The following PRKN variants were observed in gnomAD, a reference collection of about 807,000 sequenced individuals.
PRKN encodes the protein E3 ubiquitin-protein ligase parkin.
Under a neutral mutation model 59.5 loss-of-function variants are expected in PRKN, and 56 were observed. The observed-to-expected ratio is 0.94, with a 90% CI of 0.76 to 1.18. The LOEUF (loss-of-function observed/expected upper bound fraction) is 1.18, where lower values mean the gene tolerates loss of function less well. Among genes scored for constraint, PRKN ranks in the 50% most tolerant of loss-of-function variants. The pLI, the probability that PRKN is intolerant of heterozygous loss-of-function variation, is 0.00. For synonymous variants in PRKN, 250 were observed against 222.1 expected (o/e 1.13, Z -1.12); for missense variants, 657 against 596.4 (o/e 1.10, Z -1.06).
intron 1 of PRKN, among the ~76,000 whole-genome samples, chr6:162,675,284 A>T (rs1443120419): frequency 2.6e-5 from 4 of 152,018 alleles, no homozygotes; most frequent in Non-Finnish European, 4.4e-5. Context: ...TCTTGACCTC[A>T]TGATCCCCCC....
At chr6:161,433,203 G>A (rs1339740325) in intron 9 of PRKN, among the ~76,000 whole-genome samples, 2 of 152,158 alleles carry the variant, frequency 1.3e-5, no homozygotes, top group African/African-American at 4.8e-5. Context: ...AAGTTATTTA[G>A]TGCTTACATT....
chr6:162,266,194 T>C (rs758823198), intron 2 of PRKN, among the ~76,000 whole-genome samples: 1 of 152,232 alleles, frequency 6.6e-6, no homozygotes. Context: ...GTGATCCTCC[T>C]AGAGAAAAGT....
chr6:162,303,012 T>G (rs1394929738), intron 2 of PRKN, among the ~76,000 whole-genome samples: 1 of 108,842 alleles, frequency 9.2e-6, no homozygotes, highest in African/African-American at 3.1e-5. Flanking sequence ...ACACACACAC[T>G]TCCCAGAGAA....
chr6:162,415,700 C>T (rs1279714991), intron 2 of PRKN, among the ~76,000 whole-genome samples: 1 of 152,018 alleles, frequency 6.6e-6, no homozygotes, highest in African/African-American at 2.4e-5. Context: ...ATCTGTAGTC[C>T]CAGCTACTTG....
At chr6:162,457,858 C>A (rs1303192844) in intron 1 of PRKN, among the ~76,000 whole-genome samples, 2 of 152,120 alleles carry the variant, frequency 1.3e-5, no homozygotes, top group Non-Finnish European at 2.9e-5. Flanking sequence ...TGGTGGCTCT[C>A]ATCTGTAATC....
Position 161,593,948 on chromosome 6 carries a change from G to A in PRKN, c.872-24532C>T, listed in dbSNP as rs549894750. ...GGGCAGATCACGAGGTCAGGAGTTT[G>A]AGACCAGCCTGGCCAACATAGTGAA... On this transcript the variant is annotated intron_variant, in intron 7 of 11. Transcript: ENST00000366898. This position sits in a 1 kb window ranked among gnomAD's most constrained non-coding sequence, Gnocchi z 4.8. Among the ~76,000 whole-genome samples the A allele has an allele frequency of 6.6e-6, 1 of 151,526 alleles. No homozygotes were observed. Among genetic ancestry groups the A allele is most frequent in the South Asian group, 2.1e-4 (1 of 4,792 alleles).
chr6:161,547,177 C>T lies in PRKN; in HGVS notation c.1083+1677G>A, dbSNP rs1349507046. Among the ~76,000 whole-genome samples, 1 of 152,180 alleles carries T rather than the reference C, an allele frequency of 6.6e-6. No homozygotes were observed. Among genetic ancestry groups the T allele is most frequent in the African/African-American group, 2.4e-5 (1 of 41,440 alleles). ...TAACTAATACACAAACCAACAAACA[C>T]ACCTCCAAAACCAACAAATCGAAAC... On this transcript the variant is annotated intron_variant, in intron 9 of 11. Coordinates refer to ENST00000366898, the MANE Select transcript of PRKN (RefSeq NM_004562.3). This position sits in a 1 kb window ranked among gnomAD's most constrained non-coding sequence, Gnocchi z 4.0.
In PRKN at chr6:161,774,167, C is replaced by T. The variant is rs527405131; in HGVS notation, c.871+11605G>A. The stretch of plus-strand genomic sequence containing the variant: ...TACAGCTCTTTTTCTGGTCCTTGTC[C>T]GTGTACCAGTCACTCCTTATAATGA... On this transcript the variant is annotated intron_variant, in intron 7 of 11. Coordinates refer to ENST00000366898, the MANE Select transcript of PRKN (RefSeq NM_004562.3). Among the ~76,000 whole-genome samples, 15 of 152,164 alleles carry T rather than the reference C, an allele frequency of 9.9e-5. No individual in the cohort carries two copies. In the South Asian group the frequency reaches 2.1e-3, roughly 21 times the overall value.
intron 6 of PRKN, among the ~76,000 whole-genome samples, chr6:161,966,467 G>A (rs1056426963): frequency 6.6e-6 from 1 of 152,102 alleles, no homozygotes; most frequent in Non-Finnish European, 1.5e-5. Context: ...AAAGAATTCC[G>A]GTATCCCTTT....
chr6:161,985,825 G>A (rs1781415729), intron 5 of PRKN, among the ~76,000 whole-genome samples: 1 of 152,048 alleles, frequency 6.6e-6, no homozygotes, highest in Non-Finnish European at 1.5e-5. Context: ...TTTGAGGAGG[G>A]GCTGGACTTC....
rs140838867 is a variant in PRKN, at chr6:162,643,523, G to A, written c.7+84139C>T. ...AGACCATTTGCAGGCCCATTTCGGC[G>A]GGGAGGCAGAACGACAGAAAATCAT... is the stretch of plus-strand genomic sequence containing the variant. On this transcript the variant is annotated intron_variant, in intron 1 of 11. Transcript: ENST00000366898. Among the ~76,000 whole-genome samples, 866 of 152,098 alleles carry A rather than the reference G, an allele frequency of 5.7e-3. 6 individuals carry two copies. The highest frequency in any genetic ancestry group is 0.02 in the African/African-American group (822 of 41,500).
At chr6:161,595,557 A>G (rs1184975680) in intron 7 of PRKN, among the ~76,000 whole-genome samples, 3 of 152,198 alleles carry the variant, frequency 2.0e-5, no homozygotes, top group Non-Finnish European at 2.9e-5. Context: ...GCCTCAATGT[A>G]TCTGGATTTC....
chr6:161,716,302 C>T (rs965908832), intron 7 of PRKN, among the ~76,000 whole-genome samples: 5 of 152,232 alleles, frequency 3.3e-5, no homozygotes, highest in African/African-American at 1.2e-4. Flanking sequence ...TGGGCCTCTG[C>T]TGTTTCTCTT....
intron 1 of PRKN, among the ~76,000 whole-genome samples, chr6:162,659,627 T>C (rs1357905306): frequency 1.3e-5 from 2 of 152,156 alleles, no homozygotes; most frequent in African/African-American, 4.8e-5. Context: ...AAATGGGTTT[T>C]TGTACCATGA....
chr6:162,555,715 G>A (rs1779534475), intron 1 of PRKN, among the ~76,000 whole-genome samples: 1 of 152,026 alleles, frequency 6.6e-6, no homozygotes, highest in Non-Finnish European at 1.5e-5. Flanking sequence ...ATGAATTCAA[G>A]GCCGGTGGCT....
intron 1 of PRKN, among the ~76,000 whole-genome samples, chr6:162,683,320 A>G (rs1779842160): frequency 6.6e-6 from 1 of 152,176 alleles, no homozygotes; most frequent in South Asian, 2.1e-4. Context: ...GTCTACTAGT[A>G]TCAGACAGCA....
rs1367661023 is a variant in PRKN at position 161,582,995 on chromosome 6, CACACACACACACACACACACACACACAT to C, written c.872-13607_872-13580del. Among the ~76,000 whole-genome samples, 10 of 141,930 alleles carry C rather than the reference CACACACACACACACACACACACACACAT, an allele frequency of 7.0e-5. No homozygotes were observed. The highest frequency in any genetic ancestry group is 4.8e-4 in the South Asian group (2 of 4,128). 93.1% of individuals were successfully genotyped at this position (141,930 alleles called of 152,430 possible). A position where few individuals can be genotyped will look rare whatever the true frequency, so the allele number is the denominator to read the frequency against. ...CAACACACACACACACACACACACA[CACACACACACACACACACACACACACAT>C]ACACATTTTGTAAGATCTTGAAAAC... On this transcript the variant is annotated intron_variant, in intron 7 of 11. Transcript: ENST00000366898. This position sits in a 1 kb window ranked among gnomAD's most constrained non-coding sequence, Gnocchi z 4.4.
intron 6 of PRKN, among the ~76,000 whole-genome samples, chr6:161,798,158 A>C (rs150856543): frequency 2.3e-4 from 35 of 152,230 alleles, no homozygotes; most frequent in African/African-American, 8.4e-4. Flanking sequence ...CTGAGATCGC[A>C]CCACTGCACT....
chr6:161,612,409 T>C (rs907177948), intron 7 of PRKN, among the ~76,000 whole-genome samples: 6 of 152,134 alleles, frequency 3.9e-5, no homozygotes, highest in African/African-American at 1.4e-4. Context: ...ATTCCAAAAA[T>C]GCTAGGGCCC....
Sources: allele counts gnomAD v4.1 joint callset (sites outside exome capture counted in the v4.1 genomes callset), GRCh38; gene constraint gnomAD v4.1.1; non-coding constraint Gnocchi (gnomAD v3.1); transcripts MANE v1.5; gene names NCBI Gene and HGNC (gene_info 2026-07-23, HGNC 2026-07-21).